Variants in ITPK1 observed in about 807,000 individuals in gnomAD.
The protein encoded by ITPK1 is inositol 1,3,4-trisphosphate 5/6-kinase.
Under a neutral mutation model 45.3 loss-of-function variants are expected in ITPK1, and 21 were observed. The ratio of observed to expected loss-of-function variants is 0.46; its 90% CI spans 0.33 to 0.67. The LOEUF is 0.67. ITPK1 is among the 30% of genes least tolerant of loss of function. The pLI, the probability that ITPK1 is intolerant of heterozygous loss-of-function variation, is 0.02. For synonymous variants in ITPK1, 258 were observed against 253.6 expected (o/e 1.02, Z -0.16); for missense variants, 474 against 573.5 (o/e 0.83, Z 1.77).
intron 3 of ITPK1, chr14:93,066,348 C>G: frequency 9.3e-6 from 4 of 429,998 alleles, no homozygotes; most frequent in South Asian, 3.3e-5. Flanking sequence ...GTGTAGGGGG[C>G]AGAGGCGTCT....
chr14:93,007,762 C>A (rs1465922151), intron 4 of ITPK1, among the ~76,000 whole-genome samples: 1 of 152,244 alleles, frequency 6.6e-6, no homozygotes, highest in Non-Finnish European at 1.5e-5. Flanking sequence ...CAGCCATCCT[C>A]TTCAGTGGCT....
Position 93,076,482 on chromosome 14 carries a change from C to G in ITPK1, c.120+113G>C. 2 of 1,238,492 alleles carry G rather than the reference C, an allele frequency of 1.6e-6. No individual in the cohort carries two copies. The highest frequency in any genetic ancestry group is 1.2e-5 in the South Asian group (1 of 80,668). The allele number at this position is 1,238,492 out of a possible 1,614,324, so 76.7% of individuals were successfully genotyped here. A position where few individuals can be genotyped will look rare whatever the true frequency, so the allele number is the denominator to read the frequency against. On this transcript the variant is annotated intron_variant, in intron 3 of 10. Coordinates refer to ENST00000267615, the MANE Select transcript of ITPK1 (RefSeq NM_014216.6). This position sits in a 1 kb window ranked among gnomAD's most constrained non-coding sequence, Gnocchi z 4.3. ...ACAGGGGAGCTAAAAACAAGCTGCA[C>G]GTGAAGAAGAGAGAAAGCCGTGCCC...
rs1595065248 is a variant in ITPK1, at chr14:92,938,112, A to G, written c.*3449T>C. 4.2e-5 allele frequency: 11 copies of G among 260,140 alleles called. No individual in the cohort carries two copies. The highest frequency in any genetic ancestry group is 1.3e-3 in the Middle Eastern group (1 of 772). 16.1% of individuals were successfully genotyped at this position (260,140 alleles called of 1,614,324 possible). A position where few individuals can be genotyped will look rare whatever the true frequency, so the allele number is the denominator to read the frequency against. ...GTAGCTGGGACTACAGGCGCCCACC[A>G]CCATGTCCAGCTAATTTTTGTATTT... On this transcript the variant is annotated 3_prime_UTR_variant, in exon 11 of 11. Transcript: ENST00000267615.
At chr14:93,002,976 A>C (rs1229122211) in intron 4 of ITPK1, among the ~76,000 whole-genome samples, 1 of 152,068 alleles carries the variant, frequency 6.6e-6, no homozygotes. Context: ...GAAGACACAC[A>C]CCCCTTAGGA....
chr14:93,005,009 G>T (rs1169578404), intron 4 of ITPK1, among the ~76,000 whole-genome samples: 1 of 152,172 alleles, frequency 6.6e-6, no homozygotes, highest in Non-Finnish European at 1.5e-5. Context: ...AAGGTAGAGA[G>T]CAGGAGACGG....
At chr14:93,082,881 G>A (rs986984763) in intron 2 of ITPK1, among the ~76,000 whole-genome samples, 6 of 152,224 alleles carry the variant, frequency 3.9e-5, no homozygotes, top group African/African-American at 1.4e-4. Flanking sequence ...GAGGGCTCCA[G>A]GAGGGCAAAT....
intron 2 of ITPK1, among the ~76,000 whole-genome samples, chr14:93,079,465 A>G (rs1891353527): frequency 6.6e-6 from 1 of 152,210 alleles, no homozygotes; most frequent in Non-Finnish European, 1.5e-5. Flanking sequence ...GGCCCGGAAC[A>G]GGGCTCTCCC....
intron 10 of ITPK1, among the ~76,000 whole-genome samples, chr14:92,943,521 C>T (rs1280428948): frequency 2.0e-5 from 3 of 152,244 alleles, no homozygotes; most frequent in East Asian, 1.9e-4. Context: ...CGGGCACGGG[C>T]ATGGCTGTTG....
At chr14:92,987,694 G>T (rs1886558871) in intron 5 of ITPK1, among the ~76,000 whole-genome samples, 1 of 152,138 alleles carries the variant, frequency 6.6e-6, no homozygotes, top group Admixed American at 6.5e-5. Context: ...ACCTCTCTAA[G>T]GTTCCACACC....
chr14:92,944,220 G>A (rs113721863), intron 10 of ITPK1, among the ~76,000 whole-genome samples: 5 of 152,232 alleles, frequency 3.3e-5, no homozygotes, highest in East Asian at 1.9e-4. Flanking sequence ...CTCCTGTGGG[G>A]TGCAGGAGAA....
At chr14:93,082,657 C>A (rs200062663) in intron 2 of ITPK1, among the ~76,000 whole-genome samples, 1 of 152,250 alleles carries the variant, frequency 6.6e-6, no homozygotes, top group Admixed American at 6.5e-5. Flanking sequence ...GGGGGCGGCA[C>A]GCCCACTCCA....
intron 9 of ITPK1, among the ~76,000 whole-genome samples, chr14:92,948,263 T>C (rs921173714): frequency 6.6e-6 from 1 of 152,214 alleles, no homozygotes; most frequent in Non-Finnish European, 1.5e-5. Context: ...TGGAACCAGA[T>C]AGAGGTGGTG....
rs762067896 is a variant in ITPK1 at position 92,941,583 on chromosome 14, G to A, written c.1223C>T (p.Ala408Val). Residue 408 changes from alanine to valine, a missense_variant, in exon 11 of 11, where the codon GCC (alanine) becomes GTC (valine). Transcript: ENST00000267615. Reference protein sequence around the residue: ...SFQQHCVASLATKASSQ With the variant: ...SFQQHCVASLVTKASSQ Reference sequence around the variant, plus strand: ...TGGCTACTGGGAGGAGGCCTTGGTGGCCAGGGAGGCCACACAATGCTGCTG... The same window carrying A: ...TGGCTACTGGGAGGAGGCCTTGGTGACCAGGGAGGCCACACAATGCTGCTG... The A allele has an allele frequency of 5.7e-5, 88 of 1,536,370 alleles. No individual in the cohort carries two copies. The highest frequency in any genetic ancestry group is 1.2e-4 in the East Asian group (5 of 40,674).
rs957109048 is a variant in ITPK1 at position 93,016,047 on chromosome 14, G to A, written c.246+629C>T. ...GCCGCTTTCTAGAGGACAGAATCAC[G>A]TTCTTGTCCACAACAGAGAGAACAC... On this transcript the variant is annotated intron_variant, in intron 4 of 10. Transcript: ENST00000267615. This position sits in a 1 kb window ranked among gnomAD's most constrained non-coding sequence, Gnocchi z 5.0. 2.0e-5 allele frequency among the ~76,000 whole-genome samples: 3 copies of A among 152,116 alleles called. No homozygotes were observed. The highest frequency in any genetic ancestry group is 2.9e-5 in the Non-Finnish European group (2 of 68,032).
At chr14:93,102,397 G>A (rs1892356472) in intron 2 of ITPK1, among the ~76,000 whole-genome samples, 1 of 152,268 alleles carries the variant, frequency 6.6e-6, no homozygotes, top group African/African-American at 2.4e-5. Context: ...CAGGGAGGCG[G>A]CAAAGGCCTC....
chr14:93,004,611 CAT>C (rs929722674), intron 4 of ITPK1, among the ~76,000 whole-genome samples: 1 of 151,640 alleles, frequency 6.6e-6, no homozygotes, highest in Non-Finnish European at 1.5e-5. Flanking sequence ...AGTGTGAGAG[CAT>C]ATGAGTGTGT....
At chr14:92,971,390 CCA>C (rs1885646326) in intron 5 of ITPK1, among the ~76,000 whole-genome samples, 1 of 152,234 alleles carries the variant, frequency 6.6e-6, no homozygotes, top group African/African-American at 2.4e-5. Flanking sequence ...TACCCCTCCC[CCA>C]CTCATCGTCG....
intron 3 of ITPK1, among the ~76,000 whole-genome samples, chr14:93,023,254 G>C (rs1338435435): frequency 3.9e-5 from 6 of 152,184 alleles, no homozygotes; most frequent in Non-Finnish European, 5.9e-5. Context: ...CATGTGACTC[G>C]TTCTGGCCAA....
intron 5 of ITPK1, among the ~76,000 whole-genome samples, chr14:92,966,125 C>A (rs765556264): frequency 2.0e-5 from 3 of 152,222 alleles, no homozygotes; most frequent in Admixed American, 1.3e-4. Context: ...AAGGGATCTT[C>A]CCCGCTCAGC....
Sources: allele counts gnomAD v4.1 joint callset (sites outside exome capture counted in the v4.1 genomes callset), GRCh38; gene constraint gnomAD v4.1.1; non-coding constraint Gnocchi (gnomAD v3.1); transcripts MANE v1.5; gene names NCBI Gene and HGNC (gene_info 2026-07-23, HGNC 2026-07-21).